Variants in NF2 observed in about 807,000 individuals in gnomAD.
The protein encoded by NF2 is NF2, moesin-ezrin-radixin like (MERLIN) tumor suppressor.
Under a neutral mutation model 83.7 loss-of-function variants are expected in NF2, and 8 were observed. That is an observed-to-expected ratio of 0.10 (90% CI 0.06 to 0.17). The LOEUF is 0.17. Among genes scored for constraint, NF2 ranks in the 10% least tolerant of loss-of-function variants. The pLI, the probability that NF2 is intolerant of heterozygous loss-of-function variation, is 1.00. For missense variants in NF2, 533 were observed against 744.4 expected (o/e 0.72, Z 3.31); for synonymous variants, 266 against 269.6 (o/e 0.99, Z 0.13).
Position 29,641,617 on chromosome 22 carries a change from T to C in NF2, c.364-585T>C, listed in dbSNP as rs547613566. Among the ~76,000 whole-genome samples the C allele has an allele frequency of 1.3e-4, 20 of 152,306 alleles. No homozygotes were observed. In the South Asian group the frequency reaches 3.7e-3, roughly 28 times the overall value. On this transcript the variant is annotated intron_variant, in intron 3 of 15. Transcript: ENST00000338641. ...CCCAAGTTGCACCATTCTAAGAAAATTAAGTGCAATGAAATATGTTAATTC... is the reference window on the plus strand; with the variant it reads ...CCCAAGTTGCACCATTCTAAGAAAACTAAGTGCAATGAAATATGTTAATTC...
chr22:29,687,544 C>T (rs977178729), intron 15 of NF2, among the ~76,000 whole-genome samples: 1 of 152,154 alleles, frequency 6.6e-6, no homozygotes, highest in Admixed American at 6.5e-5. Flanking sequence ...CCAGAGCCTC[C>T]CTGGCGACCT....
At chr22:29,665,193 C>G (rs2066585159) in intron 9 of NF2, 129 bp downstream of exon 9, 4 of 777,876 alleles carry the variant, frequency 5.1e-6, no homozygotes, top group Non-Finnish European at 6.6e-6. Context: ...CGCATACTTT[C>G]TGTTTAGCTT....
At chr22:29,621,583 C>T (rs1164347119) in intron 1 of NF2, among the ~76,000 whole-genome samples, 1 of 152,024 alleles carries the variant, frequency 6.6e-6, no homozygotes, top group Non-Finnish European at 1.5e-5. Flanking sequence ...GGGAGGATCA[C>T]ATGAGCCTGG....
intron 1 of NF2, among the ~76,000 whole-genome samples, chr22:29,624,039 A>G (rs1398899731): frequency 6.6e-6 from 1 of 152,202 alleles, no homozygotes. Context: ...CAGGAAGAAT[A>G]TTGCTTAAAG....
intron 4 of NF2, among the ~76,000 whole-genome samples, chr22:29,653,690 G>C (rs1204970385): frequency 6.6e-6 from 1 of 152,180 alleles, no homozygotes; most frequent in East Asian, 1.9e-4. Context: ...GTCTTAACTT[G>C]AGGCTCTTTG....
intron 1 of NF2, chr22:29,608,970 C>A: frequency 1.6e-6 from 1 of 622,994 alleles, no homozygotes; most frequent in Non-Finnish European, 3.0e-6. Context: ...CCCAGTGCCT[C>A]TGGATGCTAG....
intron 1 of NF2, among the ~76,000 whole-genome samples, chr22:29,634,223 A>T (rs543119632): frequency 7.5e-4 from 115 of 152,334 alleles, no homozygotes; most frequent in Non-Finnish European, 1.5e-3. Context: ...GTAATTACTC[A>T]TGCTCATTTC....
In NF2 at chr22:29,616,519, C is replaced by T. The variant is rs879884672; in HGVS notation, c.114+12407C>T. 3.3e-5 allele frequency among the ~76,000 whole-genome samples: 5 copies of T among 152,064 alleles called. No individual in the cohort carries two copies. In the East Asian group the frequency reaches 7.7e-4, roughly 23 times the overall value. ...CAGCACTTCGGGAGGCCGAGGTGGA[C>T]GGATGACGAGGTCAGGAGTTTCATA... On this transcript the variant is annotated intron_variant, in intron 1 of 15. Coordinates refer to ENST00000338641, the MANE Select transcript of NF2 (RefSeq NM_000268.4).
chr22:29,642,320 G>T, intron 4 of NF2, 35 bp downstream of exon 4: 1 of 1,568,820 alleles, frequency 6.4e-7, no homozygotes, highest in East Asian at 2.2e-5. Flanking sequence ...TTTTTCCTGG[G>T]CGTTAATTTG....
intron 4 of NF2, among the ~76,000 whole-genome samples, chr22:29,646,243 G>A (rs1449036494): frequency 1.3e-5 from 2 of 152,180 alleles, no homozygotes; most frequent in African/African-American, 2.4e-5. Flanking sequence ...TTTATGTTAA[G>A]CCTATTTTTA....
intron 1 of NF2, among the ~76,000 whole-genome samples, chr22:29,612,929 C>T (rs2064990359): frequency 6.6e-6 from 1 of 151,480 alleles, no homozygotes; most frequent in Admixed American, 6.6e-5. Context: ...AACCCTGTCT[C>T]TACTAAAACT....
At chr22:29,672,728 G>T (rs1448973890) in intron 11 of NF2, among the ~76,000 whole-genome samples, 1 of 151,464 alleles carries the variant, frequency 6.6e-6, no homozygotes, top group Admixed American at 6.6e-5. Flanking sequence ...CGATTCTCCT[G>T]CCTCAGCCTC....
chr22:29,684,015 T>TCTATGAGCAGAAA, intron 15 of NF2: 1 of 742,392 alleles, frequency 1.3e-6, no homozygotes, highest in Non-Finnish European at 1.7e-6. Context: ...CAGTTTCTGC[T>TCTATGAGCAGAAA]CATAGAGTGG....
At chr22:29,671,160 A>G (rs1014929260) in intron 10 of NF2, among the ~76,000 whole-genome samples, 1 of 152,128 alleles carries the variant, frequency 6.6e-6, no homozygotes, top group Non-Finnish European at 1.5e-5. Context: ...CCCATCGGCC[A>G]TGGGGCAGAG....
chr22:29,674,686 T>C, intron 12 of NF2, 150 bp from the exon 13 acceptor site: 1 of 699,196 alleles, frequency 1.4e-6, no homozygotes, highest in East Asian at 2.8e-5. Context: ...TCTGATTTCA[T>C]GTAAATATCC....
At chr22:29,606,047 C>T (rs563964089) in intron 1 of NF2, among the ~76,000 whole-genome samples, 215 of 151,984 alleles carry the variant, frequency 1.4e-3, no homozygotes, top group African/African-American at 4.7e-3. Context: ...CTCTGCTTCC[C>T]GGGTTCAAGC....
At position 29,683,355 on chromosome 22, in the gene NF2, T is replaced by A. The variant is rs2067197199; in HGVS notation, c.1737+1754T>A. 2.9e-6 allele frequency: 4 copies of A among 1,381,050 alleles called. No homozygotes were observed. In the African/African-American group the frequency reaches 5.8e-5, roughly 20 times the overall value. 85.5% of individuals were successfully genotyped at this position (1,381,050 alleles called of 1,614,324 possible). On this transcript the variant is annotated intron_variant, in intron 15 of 15. Coordinates refer to ENST00000338641, the MANE Select transcript of NF2 (RefSeq NM_000268.4). ...GGGTCATTGTTGGGCTGGGGAAGGTTATGGCTTCTTGTCCAGTCAGGTGTG... is the reference window on the plus strand; with the variant it reads ...GGGTCATTGTTGGGCTGGGGAAGGTAATGGCTTCTTGTCCAGTCAGGTGTG...
chr22:29,697,047 C>G lies in NF2; in HGVS notation c.*2245C>G, dbSNP rs555359252. ...AGCCAGACTGGTCTCGAACTCCTGA[C>G]CTCAGGTGATCCTCCCACCCCGGCT... On this transcript the variant is annotated 3_prime_UTR_variant, in exon 16 of 16. Coordinates refer to ENST00000338641, the MANE Select transcript of NF2 (RefSeq NM_000268.4). 81 of 189,784 alleles carry G rather than the reference C, an allele frequency of 4.3e-4. No individual in the cohort carries two copies. Among genetic ancestry groups the G allele is most frequent in the Non-Finnish European group, 7.5e-4 (68 of 90,306 alleles). The allele number at this position is 189,784 out of a possible 1,614,324, so 11.8% of individuals were successfully genotyped here. A position where few individuals can be genotyped will look rare whatever the true frequency, so the allele number is the denominator to read the frequency against.
intron 15 of NF2, among the ~76,000 whole-genome samples, chr22:29,690,348 A>G (rs1263586006): frequency 1.3e-5 from 2 of 152,098 alleles, no homozygotes; most frequent in African/African-American, 4.8e-5. Flanking sequence ...TTTTTGTCAC[A>G]CCACACACAA....
Sources: allele counts gnomAD v4.1 joint callset (sites outside exome capture counted in the v4.1 genomes callset), GRCh38; gene constraint gnomAD v4.1.1; transcripts MANE v1.5; gene names NCBI Gene and HGNC (gene_info 2026-07-23, HGNC 2026-07-21).